The following NELL1 variants were observed in gnomAD, a reference collection of about 807,000 sequenced individuals.
NELL1 encodes neural EGFL like 1.
Under a neutral mutation model 107.4 loss-of-function variants are expected in NELL1, and 76 were observed. The ratio of observed to expected loss-of-function variants is 0.71; its 90% CI spans 0.59 to 0.86. The LOEUF (loss-of-function observed/expected upper bound fraction) is 0.86, where lower values mean the gene tolerates loss of function less well. NELL1 is among the 40% of genes least tolerant of loss of function. NELL1 has a pLI of 0.00. For synonymous variants in NELL1, 353 were observed against 341.2 expected, an observed-to-expected ratio of 1.03 and a Z score of -0.38; for missense variants, 1,024 against 1,005.5, an observed-to-expected ratio of 1.02 and a Z score of -0.25.
chr11:21,461,282 G>T (rs952557648), intron 15 of NELL1, among the ~76,000 whole-genome samples: 1 of 152,002 alleles, frequency 6.6e-6, no homozygotes, highest in Non-Finnish European at 1.5e-5. Flanking sequence ...TTGAATTTTG[G>T]ACCCACCACT....
chr11:20,954,173 A>AT (rs1430224134), intron 11 of NELL1, among the ~76,000 whole-genome samples: 1 of 152,166 alleles, frequency 6.6e-6, no homozygotes, highest in Non-Finnish European at 1.5e-5. Context: ...ATTTTATGGG[A>AT]TAATGTATGT....
intron 15 of NELL1, among the ~76,000 whole-genome samples, chr11:21,530,811 C>T (rs766792083): frequency 6.6e-6 from 1 of 151,808 alleles, no homozygotes; most frequent in Non-Finnish European, 1.5e-5. Context: ...TTGCAAACAC[C>T]AGGAAATCTT....
At chr11:21,362,319 G>T (rs776616638) in intron 14 of NELL1, among the ~76,000 whole-genome samples, 10 of 152,148 alleles carry the variant, frequency 6.6e-5, no homozygotes, top group Non-Finnish European at 1.5e-4. Context: ...GGTAGAGGGG[G>T]TCTGCAAAAG....
intron 11 of NELL1, among the ~76,000 whole-genome samples, chr11:20,948,982 G>A (rs1851020591): frequency 6.6e-6 from 1 of 151,732 alleles, no homozygotes; most frequent in Admixed American, 6.6e-5. Flanking sequence ...GTAGCAGAGG[G>A]GTGGCAAAAA....
At chr11:20,842,446 A>AT (rs1288200508) in intron 3 of NELL1, among the ~76,000 whole-genome samples, 1 of 152,148 alleles carries the variant, frequency 6.6e-6, no homozygotes, top group East Asian at 1.9e-4. Flanking sequence ...AGCATAAAGA[A>AT]TGAGGGCTGG....
At chr11:21,311,126 T>A (rs778768772) in intron 14 of NELL1, among the ~76,000 whole-genome samples, 1 of 152,162 alleles carries the variant, frequency 6.6e-6, no homozygotes, top group Non-Finnish European at 1.5e-5. Context: ...GTCAGGAAAC[T>A]GATACATTTG....
intron 13 of NELL1, among the ~76,000 whole-genome samples, chr11:21,191,523 A>C (rs1156995377): frequency 6.6e-6 from 1 of 151,966 alleles, no homozygotes; most frequent in Non-Finnish European, 1.5e-5. Flanking sequence ...GAAGACAATG[A>C]ATTCATGTTG....
chr11:20,957,442 T>C (rs1851198538), intron 11 of NELL1, among the ~76,000 whole-genome samples: 1 of 152,114 alleles, frequency 6.6e-6, no homozygotes, highest in African/African-American at 2.4e-5. Context: ...AGAAATGCAG[T>C]TTAAAAACCA....
rs1590753310 is a variant in NELL1, at chr11:21,229,425, G to A, written c.1520G>A (p.Gly507Asp). Residue 507 changes from glycine to aspartate, a missense_variant, in exon 14 of 20, where the codon GGC (glycine) becomes GAC (aspartate). Coordinates refer to ENST00000357134, the MANE Select transcript of NELL1 (RefSeq NM_006157.5). ...VQGHSCTCKP[G>D]YVGNGTICRA... is the part of the protein sequence containing the mutation. ...GGACACAGCTGCACCTGCAAACCGG[G>A]CTACGTGGGGAACGGGACCATCTGC... The A allele has an allele frequency of 1.2e-6, 2 of 1,613,958 alleles. No individual in the cohort carries two copies. The highest frequency in any genetic ancestry group is 4.5e-5 in the East Asian group (2 of 44,812).
At chr11:20,701,561 T>G (rs929944896) in intron 2 of NELL1, among the ~76,000 whole-genome samples, 1 of 152,164 alleles carries the variant, frequency 6.6e-6, no homozygotes, top group Non-Finnish European at 1.5e-5. Context: ...GCTTTTGGTG[T>G]TTTAGACATG....
chr11:21,271,385 A>G (rs564520173), intron 14 of NELL1, among the ~76,000 whole-genome samples: 85 of 152,326 alleles, frequency 5.6e-4, no homozygotes, highest in African/African-American at 1.9e-3. Context: ...TTGATAACCT[A>G]TGTAAAATGA....
chr11:21,321,415 G>A lies in NELL1; in HGVS notation c.1550-49438G>A, dbSNP rs572201820. Among the ~76,000 whole-genome samples the A allele has an allele frequency of 5.9e-5, 9 of 152,220 alleles. No homozygotes were observed. In the South Asian group the frequency reaches 8.3e-4, roughly 14 times the overall value. On this transcript the variant is annotated intron_variant, in intron 14 of 19. Transcript: ENST00000357134. ...ATTGCTAGAGGGTGGGGGGCTGCGC[G>A]GAGTGGTGGGCAGGGGAGGAGGTCA...
intron 12 of NELL1, among the ~76,000 whole-genome samples, chr11:21,066,334 T>C (rs1305221618): frequency 1.3e-5 from 2 of 152,228 alleles, no homozygotes; most frequent in African/African-American, 4.8e-5. Flanking sequence ...GATAGTTGCC[T>C]GTGATAAGTA....
chr11:21,169,511 C>T (rs1308744447), intron 13 of NELL1, among the ~76,000 whole-genome samples: 1 of 151,872 alleles, frequency 6.6e-6, no homozygotes, highest in East Asian at 1.9e-4. Context: ...GTTGGCTTGA[C>T]TATTCTCCTA....
At chr11:21,552,714 G>A (rs1260264225) in intron 16 of NELL1, among the ~76,000 whole-genome samples, 1 of 151,738 alleles carries the variant, frequency 6.6e-6, no homozygotes, top group Non-Finnish European at 1.5e-5. Flanking sequence ...AATATGAAGA[G>A]AGGATCAAGA....
chr11:21,389,577 T>A (rs1163251437), intron 15 of NELL1, among the ~76,000 whole-genome samples: 1 of 151,726 alleles, frequency 6.6e-6, no homozygotes, highest in East Asian at 2.0e-4. Flanking sequence ...AACTATGATA[T>A]GTATATAGAA....
At chr11:20,962,090 A>T (rs2134216807) in intron 12 of NELL1, among the ~76,000 whole-genome samples, 1 of 151,522 alleles carries the variant, frequency 6.6e-6, no homozygotes, top group East Asian at 1.9e-4. Context: ...TGTTTTATGG[A>T]TTTGAAGTTT....
chr11:21,012,441 G>A (rs1852468682), intron 12 of NELL1, among the ~76,000 whole-genome samples: 1 of 152,006 alleles, frequency 6.6e-6, no homozygotes, highest in South Asian at 2.1e-4. Flanking sequence ...TCCTGCATGG[G>A]AGTGGCTGGC....
At chr11:21,358,146 A>T (rs990877972) in intron 14 of NELL1, among the ~76,000 whole-genome samples, 1 of 152,088 alleles carries the variant, frequency 6.6e-6, no homozygotes, top group South Asian at 2.1e-4. Context: ...TCGGTTCTAT[A>T]TGAATTTTAG....
Sources: allele counts gnomAD v4.1 joint callset (sites outside exome capture counted in the v4.1 genomes callset), GRCh38; gene constraint gnomAD v4.1.1; transcripts MANE v1.5; gene names NCBI Gene and HGNC (gene_info 2026-07-23, HGNC 2026-07-21).